Variants in CLUAP1 observed in about 807,000 individuals in gnomAD.
CLUAP1 encodes clusterin-associated protein 1.
Under a neutral mutation model 55.0 loss-of-function variants are expected in CLUAP1, and 50 were observed. The observed-to-expected ratio is 0.91, with a 90% CI of 0.72 to 1.15. The LOEUF is 1.15. CLUAP1 is among the 50% of genes most tolerant of loss of function. CLUAP1 has a pLI of 0.00. For missense variants in CLUAP1, 530 were observed against 507.6 expected (o/e 1.04, Z -0.42); for synonymous variants, 195 against 175.4 (o/e 1.11, Z -0.88).
chr16:3,512,242 T>A, intron 4 of CLUAP1, 141 bp from the exon 5 acceptor site: 2 of 566,034 alleles, frequency 3.5e-6, no homozygotes, highest in Non-Finnish European at 6.5e-6. Flanking sequence ...CTGCCTATAA[T>A]CCCAACACTT....
At chr16:3,500,776 C>T (rs913736857), upstream of CLUAP1, 4 of 499,994 alleles carry the variant, frequency 8.0e-6, no homozygotes, top group Non-Finnish European at 1.4e-5. Context: ...TCACCCAGCG[C>T]GAAACGTCCG....
At chr16:3,532,971 G>A in intron 11 of CLUAP1, 130 bp downstream of exon 11, 1 of 1,333,300 alleles carries the variant, frequency 7.5e-7, no homozygotes, top group Non-Finnish European at 1.1e-6. Context: ...CTCGATGCGT[G>A]GCAGGGTTTG....
chr16:3,529,183 A>T (rs550255843), intron 9 of CLUAP1, among the ~76,000 whole-genome samples: 1 of 151,434 alleles, frequency 6.6e-6, no homozygotes, highest in Non-Finnish European at 1.5e-5. Context: ...AAAATACCTA[A>T]CATAATGCCT....
intron 4 of CLUAP1, among the ~76,000 whole-genome samples, chr16:3,509,575 A>G (rs2037579760): frequency 1.3e-5 from 2 of 152,200 alleles, no homozygotes; most frequent in South Asian, 4.1e-4. Flanking sequence ...GAGCGACCAC[A>G]GCAGCAAGCC....
chr16:3,536,154 A>AGATGATGAT lies in CLUAP1; in HGVS notation c.1128_1136dup (p.Asp377_Asp379dup), dbSNP rs1184791334. ...CGGAGGAGAGTGAAATTGACATGGA[A>AGATGATGAT]GATGATGATGACGAGGATGACGATT... On this transcript the variant is annotated inframe_insertion, in exon 12 of 12. Coordinates refer to ENST00000576634, the MANE Select transcript of CLUAP1 (RefSeq NM_015041.3). 1 of 1,614,206 alleles carries AGATGATGAT rather than the reference A, an allele frequency of 6.2e-7. No homozygotes were observed.
At chr16:3,529,606 A>ATAT (rs1486917195) in intron 9 of CLUAP1, among the ~76,000 whole-genome samples, 3 of 38,924 alleles carry the variant, frequency 7.7e-5, no homozygotes, top group African/African-American at 4.4e-4. Flanking sequence ...TATATATTAT[A>ATAT]TATTATATAA....
At chr16:3,519,841 T>A (rs889648580) in intron 6 of CLUAP1, 62 bp from the exon 7 acceptor site, 35 of 1,513,184 alleles carry the variant, frequency 2.3e-5, no homozygotes, top group Non-Finnish European at 3.0e-5. Flanking sequence ...GCAAAATTCT[T>A]CTAAGAATTA....
Position 3,526,496 on chromosome 16 carries a change from C to T in CLUAP1, c.928+12C>T, listed in dbSNP as rs1403860624. On this transcript the variant is annotated intron_variant, in intron 9 of 11. Transcript: ENST00000576634. ...GCTCAAGAGTGGAAGTAAGGCTGGG[C>T]TTCGTAGACGAGCAGTTTACTCTGG... is the stretch of plus-strand genomic sequence containing the variant. 1 of 1,594,616 alleles carries T rather than the reference C, an allele frequency of 6.3e-7. No individual in the cohort carries two copies. Among genetic ancestry groups the T allele is most frequent in the African/African-American group, 1.4e-5 (1 of 73,906 alleles).
rs200622540 is a variant in CLUAP1, at chr16:3,523,137, T to C, written c.714-21T>C. 6 of 1,596,194 alleles carry C rather than the reference T, an allele frequency of 3.8e-6. No individual in the cohort carries two copies. The East Asian group carries it at 9.0e-5, about 24-fold the overall frequency. On this transcript the variant is annotated intron_variant, in intron 7 of 11. Coordinates refer to ENST00000576634, the MANE Select transcript of CLUAP1 (RefSeq NM_015041.3). ...CTGCATATAATTCACCTTTCCTTTT[T>C]ATTTCATTTGCTTCTTTTAGGCCAT...
chr16:3,495,965 C>A, the CLUAP1 span, among the ~76,000 whole-genome samples: 1 of 151,962 alleles, frequency 6.6e-6, no homozygotes, highest in South Asian at 2.1e-4. Context: ...ACGGTGAAAC[C>A]CCGTCTCTAC....
At chr16:3,533,271 A>C (rs141858825) in intron 11 of CLUAP1, 6 of 799,624 alleles carry the variant, frequency 7.5e-6, no homozygotes, top group South Asian at 1.5e-5. Flanking sequence ...AAGGCCACTC[A>C]AAAGAGATCC....
Position 3,538,454 on chromosome 16 carries a change from G to T in CLUAP1, c.*2183G>T, listed in dbSNP as rs552253588. On this transcript the variant is annotated 3_prime_UTR_variant, in exon 12 of 12. Transcript: ENST00000576634. ...CTCAGACACCGTGGCTCTAAGATGC[G>T]GAAGAGTCACTGCATCTTCTTGAAT... is the stretch of plus-strand genomic sequence containing the variant. 2 of 152,156 alleles carry T rather than the reference G, an allele frequency of 1.3e-5. No individual in the cohort carries two copies. Among genetic ancestry groups the T allele is most frequent in the South Asian group, 2.1e-4 (1 of 4,820 alleles). 9.4% of individuals were successfully genotyped at this position (152,156 alleles called of 1,614,324 possible). A position where few individuals can be genotyped will look rare whatever the true frequency, so the allele number is the denominator to read the frequency against.
intron 11 of CLUAP1, 112 bp from the exon 12 acceptor site, chr16:3,536,010 C>A (rs1324272122): frequency 1.5e-5 from 20 of 1,309,834 alleles, no homozygotes; most frequent in Non-Finnish European, 1.9e-5. Flanking sequence ...ACTCTGCCAG[C>A]CTCTTCCTTC....
At chr16:3,496,251 G>A (rs2151033658), upstream of CLUAP1, 1 of 672,804 alleles carries the variant, frequency 1.5e-6, no homozygotes, top group Non-Finnish European at 2.8e-6. Flanking sequence ...GGCGCAAAGA[G>A]CCCAAGAGCC....
chr16:3,528,836 G>A (rs967486963), intron 9 of CLUAP1, among the ~76,000 whole-genome samples: 10 of 152,082 alleles, frequency 6.6e-5, no homozygotes, highest in African/African-American at 2.4e-4. Context: ...TATCATTTGT[G>A]GAAAAGACTA....
chr16:3,523,341 T>A (rs762292062), intron 8 of CLUAP1, 42 bp downstream of exon 8: 3 of 1,572,358 alleles, frequency 1.9e-6, no homozygotes, highest in Non-Finnish European at 2.6e-6. Context: ...CCTTCTGGTG[T>A]GTTATTTTGT....
At chr16:3,510,743 G>A (rs1436621651) in intron 4 of CLUAP1, among the ~76,000 whole-genome samples, 1 of 152,216 alleles carries the variant, frequency 6.6e-6, no homozygotes, top group Non-Finnish European at 1.5e-5. Context: ...GTGGCTATTG[G>A]TTACTATATT....
chr16:3,505,505 C>A (rs763290490), intron 2 of CLUAP1, among the ~76,000 whole-genome samples: 1 of 149,216 alleles, frequency 6.7e-6, no homozygotes, highest in African/African-American at 2.5e-5. Context: ...CGAGATAGCG[C>A]CACTGCAGTT....
rs1596391183 is a variant in CLUAP1, at chr16:3,515,367, G to A, written c.496-141G>A. 8.3e-6 allele frequency: 5 copies of A among 601,302 alleles called. No individual in the cohort carries two copies. In the Admixed American group the frequency reaches 1.7e-4, roughly 21 times the overall value. 37.2% of individuals were successfully genotyped at this position (601,302 alleles called of 1,614,324 possible). A position where few individuals can be genotyped will look rare whatever the true frequency, so the allele number is the denominator to read the frequency against. ...AATGGAAGACATTATAGGAGGTGAT[G>A]GTGGCAGTGTTTTTGCATCAGAGAT... On this transcript the variant is annotated intron_variant, in intron 5 of 11. Transcript: ENST00000576634.
Sources: allele counts gnomAD v4.1 joint callset (sites outside exome capture counted in the v4.1 genomes callset), GRCh38; gene constraint gnomAD v4.1.1; transcripts MANE v1.5; gene names NCBI Gene and HGNC (gene_info 2026-07-23, HGNC 2026-07-21).